MCC: variants seen among roughly 807,000 people sequenced by gnomAD.
MCC encodes the protein MCC regulator of Wnt signaling pathway, also known as colorectal mutant cancer protein.
Under a neutral mutation model 116.2 loss-of-function variants are expected in MCC, and 90 were observed. The observed-to-expected ratio is 0.77, with a 90% CI of 0.65 to 0.92. MCC has a LOEUF of 0.92. Ranked by LOEUF, MCC falls within the 40% of genes least tolerant of loss-of-function variation. The pLI is 0.00. For synonymous variants in MCC, 578 were observed against 510.5 expected (o/e 1.13, Z -1.78); for missense variants, 1,516 against 1,312.2 (o/e 1.16, Z -2.40).
At chr5:113,257,059 A>G (rs1239371792) in intron 3 of MCC, among the ~76,000 whole-genome samples, 1 of 151,802 alleles carries the variant, frequency 6.6e-6, no homozygotes, top group East Asian at 1.9e-4. Flanking sequence ...GGTTGTCACA[A>G]ATTTGTCTCC....
At chr5:113,382,758 A>G (rs1471891980) in intron 2 of MCC, among the ~76,000 whole-genome samples, 1 of 152,184 alleles carries the variant, frequency 6.6e-6, no homozygotes, top group Non-Finnish European at 1.5e-5. Flanking sequence ...AACTGCCCCC[A>G]TTCTACATTT....
At chr5:113,088,631 T>G (rs937059979) in intron 8 of MCC, among the ~76,000 whole-genome samples, 4 of 152,040 alleles carry the variant, frequency 2.6e-5, no homozygotes, top group African/African-American at 4.8e-5. Flanking sequence ...CCTGTGAAGA[T>G]GAAAGCAGAG....
chr5:113,117,714 G>C (rs547064583), intron 6 of MCC, among the ~76,000 whole-genome samples: 1 of 152,226 alleles, frequency 6.6e-6, no homozygotes, highest in East Asian at 1.9e-4. Flanking sequence ...TGGTCCACAG[G>C]AAAGGACAGC....
At chr5:113,192,927 T>TG (rs1762218216) in intron 3 of MCC, among the ~76,000 whole-genome samples, 1 of 152,236 alleles carries the variant, frequency 6.6e-6, no homozygotes, top group African/African-American at 2.4e-5. Flanking sequence ...AACCAACACA[T>TG]GTTTATTGTC....
chr5:113,121,462 C>T (rs763761391), intron 6 of MCC, among the ~76,000 whole-genome samples: 1 of 152,146 alleles, frequency 6.6e-6, no homozygotes, highest in African/African-American at 2.4e-5. Context: ...TCAGTCACCT[C>T]CTTAAATGCA....
chr5:113,086,446 C>T (rs113415884), intron 8 of MCC, among the ~76,000 whole-genome samples: 2,309 of 152,226 alleles, frequency 0.015, 67 homozygotes, highest in African/African-American at 0.053. Flanking sequence ...AGCACCTTTT[C>T]CCCAAGTTAC....
chr5:113,317,789 C>A (rs1317483438), intron 3 of MCC, among the ~76,000 whole-genome samples: 1 of 152,060 alleles, frequency 6.6e-6, no homozygotes, highest in Non-Finnish European at 1.5e-5. Context: ...AATGAAGATG[C>A]AAATGGAAAA....
rs890636088 is a variant in MCC, at chr5:113,101,357, A to G, written c.1398+382T>C. The G allele has an allele frequency of 2.5e-5, 5 of 196,100 alleles. 1 individual carries two copies. In the Admixed American group the frequency reaches 2.8e-4, roughly 11 times the overall value. 12.1% of individuals were successfully genotyped at this position (196,100 alleles called of 1,614,324 possible). A position where few individuals can be genotyped will look rare whatever the true frequency, so the allele number is the denominator to read the frequency against. ...ACAATAAAGCTAAATAAAATTTTAT[A>G]GAAAAAAATTAAAAAGGTAAAATTC... On this transcript the variant is annotated intron_variant, in intron 8 of 18. Coordinates refer to ENST00000408903, the MANE Select transcript of MCC (RefSeq NM_001085377.2).
chr5:113,278,469 C>G (rs772173140), intron 3 of MCC, among the ~76,000 whole-genome samples: 5 of 152,132 alleles, frequency 3.3e-5, no homozygotes, highest in Non-Finnish European at 4.4e-5. Context: ...CCCAATGCAA[C>G]GGGGAACACA....
intron 1 of MCC, among the ~76,000 whole-genome samples, chr5:113,396,381 C>T (rs1769524577): frequency 1.3e-5 from 2 of 152,000 alleles, no homozygotes; most frequent in South Asian, 4.2e-4. Context: ...CCTATAATCA[C>T]AGCAGTTTGG....
intron 1 of MCC, among the ~76,000 whole-genome samples, chr5:113,448,567 T>A (rs1162845861): frequency 2.0e-5 from 3 of 152,210 alleles, no homozygotes; most frequent in African/African-American, 7.2e-5. Context: ...ATACCAATGA[T>A]CCCTGAAGTT....
In MCC at chr5:113,023,829, A is replaced by G. The variant is rs911782037; in HGVS notation, c.*3473T>C. Reference sequence around the variant, plus strand: ...TTAAGGTTGACTGATAGACTTAAAAAGTGATTGCTTTATAATTCTCGTGGG... The same window carrying G: ...TTAAGGTTGACTGATAGACTTAAAAGGTGATTGCTTTATAATTCTCGTGGG... On this transcript the variant is annotated 3_prime_UTR_variant, in exon 19 of 19. Transcript: ENST00000408903. 5.0e-4 allele frequency: 76 copies of G among 152,362 alleles called. No individual in the cohort carries two copies. Among genetic ancestry groups the G allele is most frequent in the African/African-American group, 1.8e-3 (76 of 41,582 alleles). The allele number at this position is 152,362 out of a possible 1,614,324, so 9.4% of individuals were successfully genotyped here.
intron 3 of MCC, among the ~76,000 whole-genome samples, chr5:113,190,896 G>A (rs1403254154): frequency 6.6e-6 from 1 of 152,166 alleles, no homozygotes; most frequent in Non-Finnish European, 1.5e-5. Flanking sequence ...ATTACCATGT[G>A]CATGGCCATC....
chr5:113,059,672 T>C (rs1753082291), intron 14 of MCC, among the ~76,000 whole-genome samples: 1 of 152,242 alleles, frequency 6.6e-6, no homozygotes, highest in South Asian at 2.1e-4. Flanking sequence ...CTTGAGGAGC[T>C]AGTCTAGGAT....
chr5:113,439,492 T>C (rs1442176107), intron 1 of MCC, among the ~76,000 whole-genome samples: 2 of 152,212 alleles, frequency 1.3e-5, no homozygotes, highest in African/African-American at 2.4e-5. Context: ...TTGGAAAAGA[T>C]AGAGATGAAT....
In MCC at chr5:113,089,005, G is replaced by C. The variant is rs1454964071; in HGVS notation, c.1399-3695C>G. Among the ~76,000 whole-genome samples the C allele has an allele frequency of 2.6e-5, 4 of 152,188 alleles. No homozygotes were observed. In the South Asian group the frequency reaches 6.2e-4, roughly 24 times the overall value. On this transcript the variant is annotated intron_variant, in intron 8 of 18. Transcript: ENST00000408903. Reference sequence around the variant, plus strand: ...CAAAATATATATTTTGGAGTCAAGAGATAGCCAAGAACCAGGGCTAACCTG... The same window carrying C: ...CAAAATATATATTTTGGAGTCAAGACATAGCCAAGAACCAGGGCTAACCTG...
chr5:113,365,899 A>G (rs749826025), intron 2 of MCC, among the ~76,000 whole-genome samples: 7 of 152,148 alleles, frequency 4.6e-5, no homozygotes, highest in Non-Finnish European at 7.4e-5. Context: ...ATACAGTACC[A>G]AGTTGGGGAT....
intron 3 of MCC, among the ~76,000 whole-genome samples, chr5:113,339,987 C>G (rs923424928): frequency 6.6e-6 from 1 of 152,236 alleles, no homozygotes; most frequent in Non-Finnish European, 1.5e-5. Context: ...AAGACAATAG[C>G]TCTTTGCCCA....
intron 11 of MCC, among the ~76,000 whole-genome samples, chr5:113,076,506 A>C (rs1404957174): frequency 2.6e-5 from 4 of 152,158 alleles, no homozygotes; most frequent in Non-Finnish European, 5.9e-5. Context: ...GGCCAATATT[A>C]AATACTCTTA....
Sources: allele counts gnomAD v4.1 joint callset (sites outside exome capture counted in the v4.1 genomes callset), GRCh38; gene constraint gnomAD v4.1.1; transcripts MANE v1.5; gene names NCBI Gene and HGNC (gene_info 2026-07-23, HGNC 2026-07-21).